Variants in SLMAP observed in about 807,000 individuals in gnomAD.
The protein encoded by SLMAP is sarcolemmal membrane-associated protein.
In SLMAP, 44 loss-of-function variants were observed where a neutral mutation model predicts 128.8. The ratio of observed to expected loss-of-function variants is 0.34; its 90% CI spans 0.27 to 0.44. The LOEUF (loss-of-function observed/expected upper bound fraction) is 0.44, where lower values mean the gene tolerates loss of function less well. Ranked by LOEUF, SLMAP falls within the 20% of genes least tolerant of loss-of-function variation. SLMAP has a pLI of 1.00. For missense variants in SLMAP, 787 were observed against 985.3 expected, an observed-to-expected ratio of 0.80 and a Z score of 2.69; for synonymous variants, 327 against 348.8, an observed-to-expected ratio of 0.94 and a Z score of 0.70.
intron 23 of SLMAP, 83 bp from the exon 24 acceptor site, chr3:57,925,762 C>T (rs1203657055): frequency 6.7e-6 from 6 of 898,880 alleles, no homozygotes; most frequent in African/African-American, 6.7e-5. Context: ...TTCTTCCTAC[C>T]TCCCACCCTA....
intron 2 of SLMAP, among the ~76,000 whole-genome samples, chr3:57,758,272 G>A (rs2077960774): frequency 6.6e-6 from 1 of 152,210 alleles, no homozygotes; most frequent in Non-Finnish European, 1.5e-5. Flanking sequence ...GTGAAATGTA[G>A]TTAACACATA....
At chr3:57,828,866 A>G (rs910575568) in intron 2 of SLMAP, among the ~76,000 whole-genome samples, 2 of 151,756 alleles carry the variant, frequency 1.3e-5, no homozygotes, top group East Asian at 1.9e-4. Context: ...TGCAGCCGCA[A>G]CCTCCCAGGG....
chr3:57,795,654 T>A (rs1288260675), intron 2 of SLMAP, among the ~76,000 whole-genome samples: 1 of 152,208 alleles, frequency 6.6e-6, no homozygotes, highest in African/African-American at 2.4e-5. Context: ...GTTGTCTTGG[T>A]GGTGTTGATT....
chr3:57,770,298 G>A (rs1051801397), intron 2 of SLMAP, among the ~76,000 whole-genome samples: 1 of 152,162 alleles, frequency 6.6e-6, no homozygotes, highest in Admixed American at 6.5e-5. Context: ...CCAGGATTGG[G>A]GGCAGAAAAT....
chr3:57,910,665 A>G (rs1052679903), intron 19 of SLMAP, among the ~76,000 whole-genome samples: 1 of 152,146 alleles, frequency 6.6e-6, no homozygotes, highest in Non-Finnish European at 1.5e-5. Flanking sequence ...AGCTCCTGGT[A>G]TATTATGAGG....
At chr3:57,849,018 T>C (rs2094406447) in intron 5 of SLMAP, among the ~76,000 whole-genome samples, 1 of 151,916 alleles carries the variant, frequency 6.6e-6, no homozygotes, top group African/African-American at 2.4e-5. Flanking sequence ...CCTTCTTCTT[T>C]TTTTTTTGAG....
chr3:57,913,861 G>A (rs566524067), intron 21 of SLMAP, among the ~76,000 whole-genome samples: 1 of 152,054 alleles, frequency 6.6e-6, no homozygotes, highest in Non-Finnish European at 1.5e-5. Flanking sequence ...GGAAGGCTGA[G>A]GTGGGAGAAT....
At position 57,916,549 on chromosome 3, in the gene SLMAP, TAAAAG is replaced by T. The variant is rs1329012942; in HGVS notation, c.2139-353_2139-349del. ...ATTCTATTTGTCAAGTATTTAAACT[TAAAAG>T]AAATTGTTGAAACATGTGTGTTCTT... On this transcript the variant is annotated intron_variant, in intron 21 of 24. Transcript: ENST00000671191. 2.6e-5 allele frequency among the ~76,000 whole-genome samples: 4 copies of T among 152,338 alleles called. No homozygotes were observed. In the East Asian group the frequency reaches 5.8e-4, roughly 22 times the overall value.
chr3:57,869,010 A>G (rs973415780), intron 13 of SLMAP, among the ~76,000 whole-genome samples: 1 of 138,926 alleles, frequency 7.2e-6, no homozygotes, highest in African/African-American at 2.7e-5. Context: ...TATATATAAT[A>G]TATATTATAT....
intron 17 of SLMAP, among the ~76,000 whole-genome samples, chr3:57,904,988 G>A (rs375256952): frequency 1.3e-5 from 2 of 152,136 alleles, no homozygotes; most frequent in South Asian, 4.1e-4. Flanking sequence ...GATAGCTTGA[G>A]CCCAGGAGGT....
In SLMAP at chr3:57,860,721, G is replaced by A. The variant is rs767174100; in HGVS notation, c.710G>A (p.Arg237Gln). Reference sequence around the variant, plus strand: ...TAGAATCAAACAGAAGATAGTTTACGAAAGGAACTTATAGCATTACAAGAG... The same window carrying A: ...TAGAATCAAACAGAAGATAGTTTACAAAAGGAACTTATAGCATTACAAGAG... ...CSKNQTEDSL[R>Q]KELIALQEDK... Residue 237 changes from arginine to glutamine, a missense_variant, in exon 9 of 25, where the codon CGA (arginine) becomes CAA (glutamine). Transcript: ENST00000671191. 3.5e-5 allele frequency: 54 copies of A among 1,563,852 alleles called. No homozygotes were observed. The highest frequency in any genetic ancestry group is 4.0e-5 in the Non-Finnish European group (47 of 1,162,850).
chr3:57,846,354 C>G (rs1308306739), intron 4 of SLMAP, among the ~76,000 whole-genome samples: 1 of 152,098 alleles, frequency 6.6e-6, no homozygotes, highest in African/African-American at 2.4e-5. Context: ...TTCATACATA[C>G]ATCTAAGTTT....
intron 23 of SLMAP, among the ~76,000 whole-genome samples, chr3:57,924,813 T>C (rs552396088): frequency 5.9e-5 from 9 of 152,072 alleles, no homozygotes; most frequent in Non-Finnish European, 1.2e-4. Context: ...AAAAAAAATT[T>C]GTTAGAGGGA....
intron 2 of SLMAP, among the ~76,000 whole-genome samples, chr3:57,778,667 T>TG (rs745435575): frequency 3.0e-4 from 46 of 151,458 alleles, no homozygotes; most frequent in Non-Finnish European, 6.2e-4. Context: ...CTCAAACTCT[T>TG]GGGCTCAAGC....
intron 2 of SLMAP, among the ~76,000 whole-genome samples, chr3:57,818,971 T>C (rs1201077588): frequency 2.0e-5 from 3 of 152,240 alleles, no homozygotes; most frequent in South Asian, 2.1e-4. Context: ...TTTGAACAGC[T>C]GAATCATGTG....
chr3:57,869,638 A>ATATAT (rs2095426226), intron 13 of SLMAP, among the ~76,000 whole-genome samples: 2 of 126,360 alleles, frequency 1.6e-5, no homozygotes, highest in South Asian at 4.7e-4. Flanking sequence ...TATTATATAT[A>ATATAT]TATATATATA....
intron 4 of SLMAP, among the ~76,000 whole-genome samples, chr3:57,843,858 G>T (rs2094108216): frequency 7.9e-6 from 1 of 126,830 alleles, no homozygotes; most frequent in African/African-American, 3.0e-5. Flanking sequence ...TCGGTTCACT[G>T]CAGCCTCCAC....
intron 22 of SLMAP, among the ~76,000 whole-genome samples, chr3:57,919,147 A>C (rs2096867599): frequency 6.6e-6 from 1 of 152,184 alleles, no homozygotes; most frequent in South Asian, 2.1e-4. Context: ...TTTAGAGGCC[A>C]AGGCGGGCAG....
chr3:57,851,440 G>C (rs775663536), intron 6 of SLMAP, among the ~76,000 whole-genome samples: 1 of 150,238 alleles, frequency 6.7e-6, no homozygotes, highest in Non-Finnish European at 1.5e-5. Context: ...AAAACTCCTG[G>C]ATCAGGAGAT....
Sources: gnomAD v4.1 joint callset for allele counts (sites outside exome capture counted in the v4.1 genomes callset) on GRCh38, gnomAD v4.1.1 for gene constraint, MANE v1.5 for transcripts, NCBI Gene and HGNC (gene_info 2026-07-23, HGNC 2026-07-21) for gene names.